The following CNTNAP1 variants were observed in gnomAD, a reference collection of about 807,000 sequenced individuals.
The protein encoded by CNTNAP1 is contactin associated protein 1.
CNTNAP1 carries 80 observed loss-of-function variants against 161.5 expected under a neutral mutation model. The observed-to-expected ratio is 0.50, with a 90% CI of 0.41 to 0.60. The LOEUF (loss-of-function observed/expected upper bound fraction) is 0.60. Ranked by LOEUF, CNTNAP1 falls within the 20% of genes least tolerant of loss-of-function variation. CNTNAP1 has a pLI of 0.00. For synonymous variants in CNTNAP1, 695 were observed against 733.1 expected, an observed-to-expected ratio of 0.95 and a Z score of 0.84; for missense variants, 1,464 against 1,854.8, an observed-to-expected ratio of 0.79 and a Z score of 3.87.
At chr17:42,693,647 T>A in intron 18 of CNTNAP1, 111 bp downstream of exon 18, 2 of 1,466,670 alleles carry the variant, frequency 1.4e-6, no homozygotes, top group South Asian at 2.6e-5. Flanking sequence ...ATTAGAGTTG[T>A]CCCTGGATTC....
At position 42,693,292 on chromosome 17, in the gene CNTNAP1, C is replaced by T; in HGVS notation, c.2753-5C>T. 2 of 1,613,848 alleles carry T rather than the reference C, an allele frequency of 1.2e-6. No homozygotes were observed. Among genetic ancestry groups the T allele is most frequent in the Non-Finnish European group, 1.7e-6 (2 of 1,179,760 alleles). ...ATTTCTTGACCTGTTGCCTACCCTTCCCAGGATCTGCAGAGCTTAAGAGAC... is the reference window on the plus strand; with the variant it reads ...ATTTCTTGACCTGTTGCCTACCCTTTCCAGGATCTGCAGAGCTTAAGAGAC... On this transcript the variant is annotated splice_region_variant and splice_polypyrimidine_tract_variant and intron_variant, in intron 17 of 23. Coordinates refer to ENST00000264638, the MANE Select transcript of CNTNAP1 (RefSeq NM_003632.3).
rs561044169 is a variant in CNTNAP1 at position 42,688,408 on chromosome 17, T to C, written c.1307-54T>C. The C allele has an allele frequency of 7.6e-4, 1,224 of 1,612,738 alleles. 23 individuals carry two copies. The South Asian group carries it at 0.013, about 17-fold the overall frequency. ...TGCTGCTTCCCCACTCAGAACATTCTTCTACCCTAGTTGCTGCTTCCCTCC... is the reference window on the plus strand; with the variant it reads ...TGCTGCTTCCCCACTCAGAACATTCCTCTACCCTAGTTGCTGCTTCCCTCC... On this transcript the variant is annotated intron_variant, in intron 8 of 23. Coordinates refer to ENST00000264638, the MANE Select transcript of CNTNAP1 (RefSeq NM_003632.3).
intron 18 of CNTNAP1, 146 bp downstream of exon 18, chr17:42,693,682 G>A (rs2053120381): frequency 8.3e-7 from 1 of 1,209,470 alleles, no homozygotes; most frequent in Non-Finnish European, 1.2e-6. Context: ...TGGGGAGTTA[G>A]GCAGTTGAAG....
In CNTNAP1 at chr17:42,692,604, G is replaced by A. The variant is rs762678938; in HGVS notation, c.2636G>A (p.Arg879Gln). 3.1e-6 allele frequency: 5 copies of A among 1,614,080 alleles called. No individual in the cohort carries two copies. Among genetic ancestry groups the A allele is most frequent in the African/African-American group, 1.3e-5 (1 of 74,928 alleles). ...AATGATGACGAGTGGCACCTGGTCC[G>A]GGCTGAAATCAACGTGAAGCAGGCC... ...EFNDDEWHLV[R>Q]AEINVKQARL... Residue 879 changes from arginine to glutamine, a missense_variant, in exon 17 of 24, where the codon CGG becomes CAG. Transcript: ENST00000264638.
intron 11 of CNTNAP1, 187 bp downstream of exon 11, chr17:42,689,814 C>T (rs1597807221): frequency 1.2e-5 from 7 of 596,968 alleles, no homozygotes; most frequent in Middle Eastern, 4.6e-4. Flanking sequence ...CATCTGGGCT[C>T]GCTGCAACCT....
At chr17:42,690,403 T>C (rs751625586) in intron 12 of CNTNAP1, among the ~76,000 whole-genome samples, 196 bp downstream of exon 12, 5 of 151,786 alleles carry the variant, frequency 3.3e-5, no homozygotes, top group Admixed American at 2.0e-4. Context: ...TCCCAGCACT[T>C]TGGGAAGCTA....
chr17:42,693,333 GCT>G lies in CNTNAP1; in HGVS notation c.2790_2791del (p.Leu931GlufsTer20). ...CTTAAGAGACGCCCCTTTGTGGGTT[GCT>G]TGAGGGCCATGCGTCTGAACGGAGT... On this transcript the variant is annotated frameshift_variant, in exon 18 of 24. Transcript: ENST00000264638. LOFTEE classifies it high-confidence loss of function. The G allele has an allele frequency of 6.2e-7, 1 of 1,614,214 alleles. No individual in the cohort carries two copies. The highest frequency in any genetic ancestry group is 8.5e-7 in the Non-Finnish European group (1 of 1,180,032).
chr17:42,683,720 T>G, intron 1 of CNTNAP1, 101 bp from the exon 2 acceptor site: 2 of 1,470,570 alleles, frequency 1.4e-6, no homozygotes, highest in Non-Finnish European at 1.8e-6. Flanking sequence ...GGGGCGGGGG[T>G]TGGGGGCACG....
At position 42,687,572 on chromosome 17, in the gene CNTNAP1, G is replaced by A. The variant is rs936658845; in HGVS notation, c.1045-148G>A. The A allele has an allele frequency of 5.6e-6, 6 of 1,064,180 alleles. No individual in the cohort carries two copies. Among genetic ancestry groups the A allele is most frequent in the Non-Finnish European group, 8.2e-6 (6 of 730,244 alleles). The allele number at this position is 1,064,180 out of a possible 1,614,324, so 65.9% of individuals were successfully genotyped here. ...TCCACAGATGGACGAGCTTGGAGGG[G>A]AAGAGGTCACGTCATGGTTGGAGAT... On this transcript the variant is annotated intron_variant, in intron 7 of 23. Transcript: ENST00000264638. This position sits in a 1 kb window ranked among gnomAD's most constrained non-coding sequence, Gnocchi z 4.7.
chr17:42,688,692 G>C, intron 9 of CNTNAP1, 81 bp downstream of exon 9: 3 of 1,587,446 alleles, frequency 1.9e-6, no homozygotes, highest in Non-Finnish European at 2.6e-6. Flanking sequence ...GGGCCACATG[G>C]AGAATTTTGG....
Position 42,692,711 on chromosome 17 carries a change from C to T in CNTNAP1, c.2743C>T (p.Leu915Phe), listed in dbSNP as rs1452236012. ...CATCTGGATGGAGTATGACCAGCCC[C>T]TCTATGTGGGTAAGCAGCAACCCAG... ...TYIWMEYDQP[L>F]YVGSAELKRR... is the part of the protein sequence containing the mutation. Residue 915 changes from leucine (L) to phenylalanine (F), a missense_variant, in exon 17 of 24, where the codon CTC (leucine) becomes TTC (phenylalanine). Coordinates refer to ENST00000264638, the MANE Select transcript of CNTNAP1 (RefSeq NM_003632.3). The T allele has an allele frequency of 1.1e-5, 18 of 1,607,558 alleles. No homozygotes were observed. The highest frequency in any genetic ancestry group is 1.4e-5 in the Non-Finnish European group (16 of 1,175,038).
rs562646240 is a variant in CNTNAP1, at chr17:42,699,196, T to G, written c.*286T>G. 5.3e-5 allele frequency: 19 copies of G among 357,568 alleles called. No homozygotes were observed. The East Asian group carries it at 8.3e-4, about 16-fold the overall frequency. 22.1% of individuals were successfully genotyped at this position (357,568 alleles called of 1,614,324 possible). A position where few individuals can be genotyped will look rare whatever the true frequency, so the allele number is the denominator to read the frequency against. ...GCCTCATGGGGTTGACATAGGTCCT[T>G]TCTGCCATCTCTGTTCCAGCTGCTG... On this transcript the variant is annotated 3_prime_UTR_variant, in exon 24 of 24. Coordinates refer to ENST00000264638, the MANE Select transcript of CNTNAP1 (RefSeq NM_003632.3).
intron 6 of CNTNAP1, among the ~76,000 whole-genome samples, chr17:42,686,476 T>TTTTTTTTTTTTTTTTTTTTTTTTTTG (rs2053013921): frequency 8.6e-6 from 1 of 116,954 alleles, no homozygotes; most frequent in Non-Finnish European, 1.6e-5. Flanking sequence ...CCTGTTTTTT[T>TTTTTTTTTTTTTTTTTTTTTTTTTTG]TTTTTTTTTT....
chr17:42,683,114 G>A (rs1259566472), intron 1 of CNTNAP1: 2 of 612,752 alleles, frequency 3.3e-6, no homozygotes, highest in East Asian at 2.9e-5. Context: ...GGAAGAGGAT[G>A]AAGTCAGCGG....
chr17:42,693,399 G>T lies in CNTNAP1; in HGVS notation c.2855G>T (p.Gly952Val). The stretch of plus-strand genomic sequence containing the variant: ...GAGGGCCGTGCCAATGCCTCTGAGG[G>T]TACCTCACCCAACTGCACAGGCCAC... The part of the protein sequence containing the change: ...NLEGRANASE[G>V]TSPNCTGHCA... Residue 952 changes from glycine (G) to valine (V), a missense_variant, in exon 18 of 24, where the codon GGT becomes GTT. Gly to Val is a moderately radical substitution (Grantham distance 109). Around this residue, in one of 3 missense-constraint regions of CNTNAP1, gnomAD observed 1,383 missense variants for 1,765.0 expected, o/e 0.78. Coordinates refer to ENST00000264638, the MANE Select transcript of CNTNAP1 (RefSeq NM_003632.3). The T allele has an allele frequency of 6.2e-7, 1 of 1,614,202 alleles. No individual in the cohort carries two copies. Among genetic ancestry groups the T allele is most frequent in the Non-Finnish European group, 8.5e-7 (1 of 1,180,032 alleles).
At chr17:42,692,377 A>G (rs761225702) in intron 16 of CNTNAP1, 122 bp from the exon 17 acceptor site, 16 of 815,914 alleles carry the variant, frequency 2.0e-5, no homozygotes, top group Non-Finnish European at 2.8e-5. Flanking sequence ...CTACAGACAA[A>G]TTGGAGGGAT....
At position 42,689,800 on chromosome 17, in the gene CNTNAP1, G is replaced by A. The variant is rs34883538; in HGVS notation, c.1735+173G>A. On this transcript the variant is annotated intron_variant, in intron 11 of 23. Transcript: ENST00000264638. ...CTGTTGCCCAGGCTAGAGTGCAGTG[G>A]TGCCATCTGGGCTCGCTGCAACCTC... is the stretch of plus-strand genomic sequence containing the variant. The A allele has an allele frequency of 0.07, 43,159 of 618,318 alleles. 1,769 individuals carry two copies. Among genetic ancestry groups the A allele is most frequent in the Admixed American group, 0.13 (4,922 of 37,472 alleles). 38.3% of individuals were successfully genotyped at this position (618,318 alleles called of 1,614,324 possible).
Position 42,685,089 on chromosome 17 carries a change from C to T in CNTNAP1, c.462C>T (p.Asn154=), listed in dbSNP as rs2052987687. 1 of 1,578,756 alleles carries T rather than the reference C, an allele frequency of 6.3e-7. No homozygotes were observed. Among genetic ancestry groups the T allele is most frequent in the Non-Finnish European group, 8.6e-7 (1 of 1,161,610 alleles). ...RYIRIVPLAW[N]PRGKIGLRLG... is the part of the protein sequence containing the mutation. ...TCCGCATCGTGCCCCTGGCCTGGAA[C>T]CCACGCGGCAAGATCGGCCTGAGGC... The change falls in exon 4 of 24, where the codon AAC becomes AAT. Residue 154 remains asparagine (N), a synonymous_variant. Transcript: ENST00000264638. The surrounding 1 kb of genome is among the most constrained non-coding windows in gnomAD (Gnocchi z 5.0).
At position 42,690,874 on chromosome 17, in the gene CNTNAP1, A is replaced by G. The variant is rs751402794; in HGVS notation, c.1991A>G (p.Asn664Ser). ...TGGGAGGAAGTCAGTGCCCTTGCCA[A>G]TGCTTCCCAGCATTGTGAACAGTGG... ...ASWEEVSALA[N>S]ASQHCEQWIE... Residue 664 changes from asparagine (N) to serine (S), a missense_variant, in exon 13 of 24, where the codon AAT (asparagine) becomes AGT (serine). Transcript: ENST00000264638. 4 of 1,614,096 alleles carry G rather than the reference A, an allele frequency of 2.5e-6. No individual in the cohort carries two copies. The highest frequency in any genetic ancestry group is 1.1e-5 in the South Asian group (1 of 91,094).
Sources: gnomAD v4.1 joint callset for allele counts (sites outside exome capture counted in the v4.1 genomes callset) on GRCh38, gnomAD v4.1.1 for gene constraint, gnomAD v4.1.1 regional missense constraint, Gnocchi (gnomAD v3.1) non-coding constraint, MANE v1.5 for transcripts, NCBI Gene and HGNC (gene_info 2026-07-23, HGNC 2026-07-21) for gene names.